SYNPR: variants seen among roughly 807,000 people sequenced by gnomAD.
SYNPR encodes synaptoporin.
SYNPR carries 23 observed loss-of-function variants against 32.9 expected under a neutral mutation model. That is an observed-to-expected ratio of 0.70 (90% confidence interval 0.50 to 0.99). The LOEUF is 0.99. Ranked by LOEUF, SYNPR falls within the 50% of genes least tolerant of loss-of-function variation. SYNPR has a pLI of 0.00. For synonymous variants in SYNPR, 146 were observed against 135.9 expected, an observed-to-expected ratio of 1.07 and a Z score of -0.52; for missense variants, 318 against 349.3, an observed-to-expected ratio of 0.91 and a Z score of 0.71.
chr3:63,420,156 T>C (rs1375011622), intron 2 of SYNPR, among the ~76,000 whole-genome samples: 1 of 152,202 alleles, frequency 6.6e-6, no homozygotes, highest in Non-Finnish European at 1.5e-5. Flanking sequence ...CCAATTAGTC[T>C]ATAAATTCAA....
intron 1 of SYNPR, among the ~76,000 whole-genome samples, chr3:63,248,959 GT>G (rs5849541): frequency 0.76 from 115,329 of 151,816 alleles, 44,608 homozygotes; most frequent in Middle Eastern, 0.85. Context: ...CCTCAGTTTT[GT>G]TTTTTTTACC....
chr3:63,381,560 G>C (rs2087971112), intron 2 of SYNPR, among the ~76,000 whole-genome samples: 1 of 152,196 alleles, frequency 6.6e-6, no homozygotes, highest in Non-Finnish European at 1.5e-5. Context: ...CTGCTTTAAA[G>C]ATTCTTTTAC....
chr3:63,595,745 ATATATATATATATATATATATAT>A (rs1699931387), intron 4 of SYNPR, among the ~76,000 whole-genome samples: 5 of 41,934 alleles, frequency 1.2e-4, no homozygotes, highest in South Asian at 7.1e-4. Flanking sequence ...ATATATATAT[ATATATATATATATATATATATAT>A]AATTTTATAT....
At chr3:63,327,132 T>C (rs1468427470) in intron 2 of SYNPR, among the ~76,000 whole-genome samples, 1 of 152,078 alleles carries the variant, frequency 6.6e-6, no homozygotes, top group Non-Finnish European at 1.5e-5. Context: ...GGGGAAATAG[T>C]TATTGGCAAT....
chr3:63,501,409 G>C (rs901408361), intron 3 of SYNPR, among the ~76,000 whole-genome samples: 4 of 148,724 alleles, frequency 2.7e-5, no homozygotes, highest in African/African-American at 9.9e-5. Flanking sequence ...CACCTGGGAG[G>C]TTAATGCTGC....
intron 3 of SYNPR, among the ~76,000 whole-genome samples, chr3:63,552,838 G>A (rs76132077): frequency 0.085 from 12,921 of 152,160 alleles, 675 homozygotes; most frequent in Non-Finnish European, 0.12. Flanking sequence ...GGCTTAGAAC[G>A]AATTACTTAA....
At chr3:63,366,474 A>G (rs2087730703) in intron 2 of SYNPR, among the ~76,000 whole-genome samples, 1 of 151,558 alleles carries the variant, frequency 6.6e-6, no homozygotes, top group African/African-American at 2.4e-5. Context: ...AATTTCATAT[A>G]AAGTATGTGT....
chr3:63,338,896 G>C (rs1022663651), intron 2 of SYNPR, among the ~76,000 whole-genome samples: 1 of 152,208 alleles, frequency 6.6e-6, no homozygotes. Flanking sequence ...CAATGTTGTA[G>C]CTCCTTCATG....
At chr3:63,546,098 G>A (rs1001926798) in intron 3 of SYNPR, among the ~76,000 whole-genome samples, 3 of 152,120 alleles carry the variant, frequency 2.0e-5, no homozygotes, top group African/African-American at 7.2e-5. Flanking sequence ...GATTTTCCCT[G>A]AAATGTACAG....
At chr3:63,433,429 A>G (rs2044855) in intron 2 of SYNPR, among the ~76,000 whole-genome samples, 347 of 152,288 alleles carry the variant, frequency 2.3e-3, no homozygotes, top group African/African-American at 7.9e-3. Flanking sequence ...AAGAAAGAAA[A>G]CTGGTTTTTC....
intron 4 of SYNPR, among the ~76,000 whole-genome samples, chr3:63,558,814 C>CA (rs35494704): frequency 6.7e-6 from 1 of 149,156 alleles, no homozygotes; most frequent in South Asian, 2.1e-4. Context: ...ATTTTTGTTG[C>CA]AAAAAATATA....
intron 2 of SYNPR, among the ~76,000 whole-genome samples, chr3:63,288,757 G>C (rs1200699798): frequency 6.6e-6 from 1 of 152,130 alleles, no homozygotes; most frequent in African/African-American, 2.4e-5. Flanking sequence ...TTTCTTGTGT[G>C]TAAGTGTTTA....
chr3:63,308,443 C>G (rs1321331165), intron 2 of SYNPR, among the ~76,000 whole-genome samples: 2 of 151,886 alleles, frequency 1.3e-5, no homozygotes, highest in Non-Finnish European at 2.9e-5. Flanking sequence ...CACATTTCAT[C>G]TGAAATAATT....
intron 2 of SYNPR, among the ~76,000 whole-genome samples, chr3:63,405,260 T>C (rs1177483112): frequency 6.6e-6 from 1 of 152,086 alleles, no homozygotes; most frequent in Non-Finnish European, 1.5e-5. Flanking sequence ...TAGTAAACCA[T>C]GCAATGAGTG....
chr3:63,445,456 C>T (rs1700258274), intron 2 of SYNPR: 4 of 655,556 alleles, frequency 6.1e-6, no homozygotes, highest in Non-Finnish European at 1.1e-5. Flanking sequence ...GTCATAATCT[C>T]TTCCAAGCAT....
chr3:63,419,324 G>T (rs1180937909), intron 2 of SYNPR, among the ~76,000 whole-genome samples: 1 of 152,142 alleles, frequency 6.6e-6, no homozygotes, highest in Non-Finnish European at 1.5e-5. Context: ...ACTAGGACCA[G>T]ACAAACTCTA....
intron 2 of SYNPR, among the ~76,000 whole-genome samples, chr3:63,352,657 T>C (rs957861256): frequency 3.4e-4 from 52 of 152,308 alleles, no homozygotes; most frequent in African/African-American, 1.2e-3. Context: ...GTCCATTTCA[T>C]GCTGCTAATA....
At chr3:63,229,291 G>C (rs1420661173) in intron 1 of SYNPR, among the ~76,000 whole-genome samples, 2 of 152,010 alleles carry the variant, frequency 1.3e-5, no homozygotes, top group Non-Finnish European at 2.9e-5. Context: ...TGTTAAATGA[G>C]AGCAATTCAC....
chr3:63,312,727 A>T (rs907404049), intron 2 of SYNPR, among the ~76,000 whole-genome samples: 1 of 151,876 alleles, frequency 6.6e-6, no homozygotes, highest in Non-Finnish European at 1.5e-5. Flanking sequence ...CCATGGTGGC[A>T]CAGCCCCACC....
Sources: gnomAD v4.1 joint callset for allele counts (sites outside exome capture counted in the v4.1 genomes callset) on GRCh38, gnomAD v4.1.1 for gene constraint, MANE v1.5 for transcripts, NCBI Gene and HGNC (gene_info 2026-07-23, HGNC 2026-07-21) for gene names.